The following SHISA9 variants were observed in gnomAD, a reference collection of about 807,000 sequenced individuals.
SHISA9 encodes shisa family member 9.
In SHISA9, 13 loss-of-function variants were observed where a neutral mutation model predicts 38.0. The ratio of observed to expected loss-of-function variants is 0.34; its 90% CI spans 0.22 to 0.54. The LOEUF is 0.54. Ranked by LOEUF, SHISA9 falls within the 20% of genes least tolerant of loss-of-function variation. The pLI is 0.91. For missense variants in SHISA9, 538 were observed against 575.8 expected, an observed-to-expected ratio of 0.93 and a Z score of 0.67; for synonymous variants, 275 against 242.0, an observed-to-expected ratio of 1.14 and a Z score of -1.27.
the SHISA9 span, among the ~76,000 whole-genome samples, chr16:13,398,863 C>A: frequency 6.6e-6 from 1 of 152,140 alleles, no homozygotes; most frequent in African/African-American, 2.4e-5. Flanking sequence ...CTAAAACAAT[C>A]ATCAATTATT....
intron 4 of SHISA9, among the ~76,000 whole-genome samples, chr16:13,219,538 C>T (rs1216427241): frequency 6.6e-6 from 1 of 152,020 alleles, no homozygotes; most frequent in African/African-American, 2.4e-5. Context: ...TTTTTTGCCC[C>T]CTGAGCCTCT....
chr16:13,259,902 T>TC, the SHISA9 span, among the ~76,000 whole-genome samples: 1 of 151,996 alleles, frequency 6.6e-6, no homozygotes, highest in African/African-American at 2.4e-5. Context: ...GGAGACATTT[T>TC]CCCCATGGTC....
chr16:13,197,168 G>T lies in SHISA9; in HGVS notation c.692-6226G>T, dbSNP rs1480809731. ...GTGTATATATATATAGAGAGAGAGA[G>T]AGAGAGAGAGAGATAACATGAGAAG... On this transcript the variant is annotated intron_variant, in intron 2 of 4. Coordinates refer to ENST00000558583, the MANE Select transcript of SHISA9 (RefSeq NM_001145204.3). Among the ~76,000 whole-genome samples, 236 of 147,698 alleles carry T rather than the reference G, an allele frequency of 1.6e-3. 1 individual carries two copies. The highest frequency in any genetic ancestry group is 4.9e-3 in the African/African-American group (201 of 40,678).
At chr16:13,437,276 A>G in the SHISA9 span, among the ~76,000 whole-genome samples, 3 of 152,172 alleles carry the variant, frequency 2.0e-5, no homozygotes, top group Non-Finnish European at 4.4e-5. Flanking sequence ...ATGGCTTCAA[A>G]AAAGATGGAC....
At chr16:13,397,450 A>T in the SHISA9 span, among the ~76,000 whole-genome samples, 21 of 150,932 alleles carry the variant, frequency 1.4e-4, no homozygotes, top group Non-Finnish European at 2.9e-5. Context: ...GTTTTTAGGC[A>T]GAGTCTCGCT....
the SHISA9 span, among the ~76,000 whole-genome samples, chr16:13,521,180 A>T: frequency 6.6e-6 from 1 of 152,034 alleles, no homozygotes; most frequent in Non-Finnish European, 1.5e-5. Context: ...TGGGTGGAAA[A>T]TTTCCAGCAT....
the SHISA9 span, among the ~76,000 whole-genome samples, chr16:13,535,251 A>G: frequency 1.3e-5 from 2 of 152,352 alleles, no homozygotes; most frequent in East Asian, 3.9e-4. Context: ...ATCTCAAAAA[A>G]TAAATAAATA....
At chr16:13,275,236 T>A in the SHISA9 span, among the ~76,000 whole-genome samples, 1 of 152,142 alleles carries the variant, frequency 6.6e-6, no homozygotes, top group Admixed American at 6.6e-5. Context: ...TCTTTTTAGA[T>A]CTTTTCTATG....
intron 2 of SHISA9, among the ~76,000 whole-genome samples, chr16:13,045,885 C>T (rs2073182513): frequency 6.6e-6 from 1 of 152,190 alleles, no homozygotes; most frequent in African/African-American, 2.4e-5. Flanking sequence ...ATCCAAATTT[C>T]AAGACGGTCA....
rs1190886659 is a variant in SHISA9, at chr16:13,235,628, T to C, written c.*219T>C. 1.7e-6 allele frequency: 1 copy of C among 585,208 alleles called. No individual in the cohort carries two copies. 36.3% of individuals were successfully genotyped at this position (585,208 alleles called of 1,614,324 possible). The stretch of plus-strand genomic sequence containing the variant: ...GCTGAGAAAGACCGAAGCGTGGACA[T>C]TCAGCAATACAGCAAAGGGGAAAAT... On this transcript the variant is annotated 3_prime_UTR_variant, in exon 5 of 5. Transcript: ENST00000558583.
chr16:13,412,608 G>A, the SHISA9 span, among the ~76,000 whole-genome samples: 2 of 152,054 alleles, frequency 1.3e-5, no homozygotes. Context: ...TATAATCTCA[G>A]CACTTTGGGA....
chr16:13,005,498 A>T (rs1294733911), intron 2 of SHISA9, among the ~76,000 whole-genome samples: 21 of 152,192 alleles, frequency 1.4e-4, no homozygotes, highest in Non-Finnish European at 4.4e-5. Flanking sequence ...AAGGTCACAC[A>T]GTCAGTAAGT....
chr16:13,387,920 T>A, the SHISA9 span, among the ~76,000 whole-genome samples: 1 of 150,478 alleles, frequency 6.6e-6, no homozygotes, highest in African/African-American at 2.5e-5. Flanking sequence ...AGGGTGAAAA[T>A]CCCCTCCTAG....
At chr16:13,015,650 C>T (rs1433626671) in intron 2 of SHISA9, among the ~76,000 whole-genome samples, 1 of 152,130 alleles carries the variant, frequency 6.6e-6, no homozygotes, top group African/African-American at 2.4e-5. Flanking sequence ...TAAAGGCATG[C>T]AGGCTTCCTG....
chr16:13,537,736 T>A, the SHISA9 span, among the ~76,000 whole-genome samples: 1 of 152,206 alleles, frequency 6.6e-6, no homozygotes, highest in African/African-American at 2.4e-5. Context: ...GGATGCATTG[T>A]ACCATATGTA....
chr16:13,367,704 G>GTGCA, the SHISA9 span, among the ~76,000 whole-genome samples: 7 of 115,130 alleles, frequency 6.1e-5, no homozygotes, highest in African/African-American at 1.9e-4. Flanking sequence ...GCGTGCGCGC[G>GTGCA]CGCGCGCGCA....
chr16:13,428,707 T>C, the SHISA9 span, among the ~76,000 whole-genome samples: 1 of 152,148 alleles, frequency 6.6e-6, no homozygotes, highest in Non-Finnish European at 1.5e-5. Context: ...TCTTGGAATA[T>C]ATCCTGAGAC....
intron 2 of SHISA9, among the ~76,000 whole-genome samples, chr16:13,180,552 G>A (rs763736573): frequency 3.9e-5 from 6 of 152,192 alleles, no homozygotes; most frequent in Non-Finnish European, 8.8e-5. Context: ...TAAAAAATTA[G>A]CTGGGCAGGG....
chr16:13,178,441 G>A (rs915072699), intron 2 of SHISA9, among the ~76,000 whole-genome samples: 3 of 151,776 alleles, frequency 2.0e-5, no homozygotes, highest in African/African-American at 2.4e-5. Flanking sequence ...TGGGCCCCAC[G>A]TTTTACAAGT....
Sources: allele counts gnomAD v4.1 joint callset (sites outside exome capture counted in the v4.1 genomes callset), GRCh38; gene constraint gnomAD v4.1.1; transcripts MANE v1.5; gene names NCBI Gene and HGNC (gene_info 2026-07-23, HGNC 2026-07-21).